Variants in TMEM178B observed in about 807,000 individuals in gnomAD.
TMEM178B encodes transmembrane protein 178B.
Under a neutral mutation model 31.0 loss-of-function variants are expected in TMEM178B, and 5 were observed. That is an observed-to-expected ratio of 0.16 (90% CI 0.08 to 0.34). TMEM178B has a LOEUF of 0.34. TMEM178B is among the 10% of genes least tolerant of loss of function. The pLI, the probability that TMEM178B is intolerant of heterozygous loss-of-function variation, is 1.00. For missense variants in TMEM178B, 275 were observed against 400.3 expected (o/e 0.69, Z 2.67); for synonymous variants, 164 against 164.0 (o/e 1.00, Z 0.00).
chr7:141,123,304 C>G (rs1795438720), intron 1 of TMEM178B, among the ~76,000 whole-genome samples: 1 of 152,176 alleles, frequency 6.6e-6, no homozygotes, highest in African/African-American at 2.4e-5. Flanking sequence ...ATCTTCAGGC[C>G]TAGTGCCAAG....
intron 2 of TMEM178B, among the ~76,000 whole-genome samples, chr7:141,364,097 C>G (rs979640917): frequency 6.6e-6 from 1 of 152,092 alleles, no homozygotes; most frequent in Non-Finnish European, 1.5e-5. Flanking sequence ...GGTGTAGTTA[C>G]AGCTTTCCAT....
At chr7:141,450,133 A>G (rs1329261084) in intron 3 of TMEM178B, among the ~76,000 whole-genome samples, 1 of 152,180 alleles carries the variant, frequency 6.6e-6, no homozygotes, top group Non-Finnish European at 1.5e-5. Flanking sequence ...ATAGTTTCCT[A>G]TGATCAGATC....
intron 2 of TMEM178B, among the ~76,000 whole-genome samples, chr7:141,329,885 A>G (rs547804150): frequency 2.0e-5 from 3 of 152,326 alleles, no homozygotes; most frequent in African/African-American, 7.2e-5. Context: ...ACACTCACAC[A>G]AAGAGGGGAA....
chr7:141,212,925 C>T (rs557212304), intron 2 of TMEM178B, among the ~76,000 whole-genome samples: 5 of 152,248 alleles, frequency 3.3e-5, no homozygotes, highest in East Asian at 1.9e-4. Context: ...AAGAACCAAC[C>T]GTCAAAACTT....
At chr7:141,132,414 A>G (rs1001419214) in intron 1 of TMEM178B, among the ~76,000 whole-genome samples, 1 of 152,214 alleles carries the variant, frequency 6.6e-6, no homozygotes, top group Non-Finnish European at 1.5e-5. Flanking sequence ...ATGAAAGTAA[A>G]CATGTTACAC....
chr7:141,274,690 G>A (rs1357973407), intron 2 of TMEM178B, among the ~76,000 whole-genome samples: 1 of 152,152 alleles, frequency 6.6e-6, no homozygotes, highest in East Asian at 1.9e-4. Flanking sequence ...CTGTTTCTTT[G>A]GACAGAGAAT....
chr7:141,191,634 A>G (rs1399286092), intron 1 of TMEM178B, among the ~76,000 whole-genome samples: 1 of 152,158 alleles, frequency 6.6e-6, no homozygotes, highest in Non-Finnish European at 1.5e-5. Flanking sequence ...TTTAAGTAAC[A>G]TTTGTATTTT....
chr7:141,282,912 T>C (rs1014367883), intron 2 of TMEM178B, among the ~76,000 whole-genome samples: 2 of 152,214 alleles, frequency 1.3e-5, no homozygotes, highest in Non-Finnish European at 2.9e-5. Flanking sequence ...ATGATAGATA[T>C]AATTTATTGA....
intron 2 of TMEM178B, among the ~76,000 whole-genome samples, chr7:141,371,327 T>C (rs1468339207): frequency 6.6e-6 from 1 of 151,790 alleles, no homozygotes; most frequent in Admixed American, 6.6e-5. Flanking sequence ...TCCCCACCTC[T>C]CTTTCTTCCT....
intron 2 of TMEM178B, among the ~76,000 whole-genome samples, chr7:141,289,322 T>C (rs1798503849): frequency 6.6e-6 from 1 of 152,188 alleles, no homozygotes; most frequent in African/African-American, 2.4e-5. Context: ...CCTACAGGTT[T>C]ATTGCAATAA....
chr7:141,376,076 T>C (rs1315357467), intron 2 of TMEM178B, among the ~76,000 whole-genome samples: 1 of 152,234 alleles, frequency 6.6e-6, no homozygotes, highest in African/African-American at 2.4e-5. Flanking sequence ...TCAGCATTTG[T>C]CTCCCTTTTG....
the TMEM178B span, among the ~76,000 whole-genome samples, chr7:141,495,307 C>T: frequency 6.6e-6 from 1 of 152,180 alleles, no homozygotes; most frequent in African/African-American, 2.4e-5. Context: ...ACAGATGTCC[C>T]CTCTGAGGAA....
chr7:141,315,703 A>C (rs1225282561), intron 2 of TMEM178B, among the ~76,000 whole-genome samples: 1 of 152,116 alleles, frequency 6.6e-6, no homozygotes, highest in Non-Finnish European at 1.5e-5. Flanking sequence ...TCTTGAAGGC[A>C]AGAGCCTTCC....
At chr7:141,096,904 A>G (rs2129172991) in intron 1 of TMEM178B, among the ~76,000 whole-genome samples, 1 of 152,206 alleles carries the variant, frequency 6.6e-6, no homozygotes, top group East Asian at 1.9e-4. Context: ...CCTGGGCAAC[A>G]TAGCGAGATC....
At chr7:141,075,184 A>C (rs932310446) in intron 1 of TMEM178B, among the ~76,000 whole-genome samples, 20 of 152,186 alleles carry the variant, frequency 1.3e-4, no homozygotes, top group African/African-American at 4.6e-4. Flanking sequence ...TGGTGTAGGC[A>C]CTGGTCATAT....
chr7:141,457,926 T>G (rs1280895136), intron 3 of TMEM178B, among the ~76,000 whole-genome samples: 1 of 152,170 alleles, frequency 6.6e-6, no homozygotes. Context: ...AGGTATGATT[T>G]TATAGGTATA....
chr7:141,113,665 G>C (rs554775737), intron 1 of TMEM178B, among the ~76,000 whole-genome samples: 1 of 152,140 alleles, frequency 6.6e-6, no homozygotes, highest in Non-Finnish European at 1.5e-5. Flanking sequence ...GGTTCCTCTT[G>C]ATGTCTACCT....
chr7:141,340,560 G>C (rs764073299), intron 2 of TMEM178B, among the ~76,000 whole-genome samples: 5 of 152,174 alleles, frequency 3.3e-5, no homozygotes, highest in Admixed American at 2.6e-4. Flanking sequence ...CCTATATCAA[G>C]AGATATTGTG....
chr7:141,425,806 C>T (rs1437859386), intron 2 of TMEM178B, among the ~76,000 whole-genome samples: 2 of 152,142 alleles, frequency 1.3e-5, no homozygotes, highest in African/African-American at 4.8e-5. Flanking sequence ...TATAATATCC[C>T]TATTTAGAGC....
Sources: gnomAD v4.1 joint callset for allele counts (sites outside exome capture counted in the v4.1 genomes callset) on GRCh38, gnomAD v4.1.1 for gene constraint, MANE v1.5 for transcripts, NCBI Gene and HGNC (gene_info 2026-07-23, HGNC 2026-07-21) for gene names.